Variants in IL17D observed in about 807,000 individuals in gnomAD.
The protein encoded by IL17D is interleukin 17D, also known as interleukin-17D.
Under a neutral mutation model 5.7 loss-of-function variants are expected in IL17D, and 10 were observed. The observed-to-expected ratio is 1.75, with a 90% CI of 1.08 to 2.97. IL17D has a LOEUF of 2.97. Among genes scored for constraint, IL17D ranks in the 30% most tolerant of loss-of-function variants. The pLI, the probability that IL17D is intolerant of heterozygous loss-of-function variation, is 0.00. For missense variants in IL17D, 354 were observed against 292.7 expected, an observed-to-expected ratio of 1.21 and a Z score of -1.53; for synonymous variants, 172 against 141.7, an observed-to-expected ratio of 1.21 and a Z score of -1.52.
chr13:20,710,496 G>A (rs2058627021), intron 1 of IL17D, among the ~76,000 whole-genome samples: 1 of 149,424 alleles, frequency 6.7e-6, no homozygotes. Flanking sequence ...GGGCATGGTG[G>A]CACATGCCTG....
chr13:20,718,851 C>G (rs1054769069), intron 1 of IL17D, among the ~76,000 whole-genome samples: 3 of 143,710 alleles, frequency 2.1e-5, no homozygotes, highest in Admixed American at 1.4e-4. Flanking sequence ...CACCTGCCCC[C>G]TCACCCACAC....
In IL17D at chr13:20,722,332, T is replaced by A. The variant is rs977712371; in HGVS notation, c.*378T>A. 1.4e-4 allele frequency: 31 copies of A among 228,718 alleles called. No individual in the cohort carries two copies. The highest frequency in any genetic ancestry group is 4.5e-5 in the African/African-American group (2 of 44,024). 14.2% of individuals were successfully genotyped at this position (228,718 alleles called of 1,614,324 possible). ...CTTGCCAAAGAGATAGGGACGCATA[T>A]GCTTTTTAAAGCAATCTAAAAATAA... On this transcript the variant is annotated 3_prime_UTR_variant, in exon 2 of 2. Transcript: ENST00000682841.
At chr13:20,711,534 A>G (rs768807282) in intron 1 of IL17D, among the ~76,000 whole-genome samples, 2 of 152,322 alleles carry the variant, frequency 1.3e-5, no homozygotes, top group African/African-American at 4.8e-5. Context: ...TTGGAGGGAC[A>G]CAGACCATAG....
At chr13:20,702,589 T>A (rs1160572081), upstream of IL17D, 1 of 152,280 alleles carries the variant, frequency 6.6e-6, no homozygotes, top group Non-Finnish European at 1.5e-5. Context: ...TCTTGTGTTA[T>A]GAAGTATATA....
At position 20,704,141 on chromosome 13, in the gene IL17D, C is replaced by A. The variant is rs1356135469; in HGVS notation, c.140C>A (p.Ala47Glu). ...ELLEQLYGRL[A>E]AGVLSAFHHT... ...CTGGAGCAGCTGTACGGGCGCCTGG[C>A]GGCCGGCGTGCTCAGTGCCTTCCAC... The change falls in exon 1 of 2, where the codon GCG becomes GAG. Residue 47 changes from alanine (A) to glutamate (E), a missense_variant. By Grantham distance (107) the Ala-to-Glu change is moderately radical (BLOSUM62 -1). Coordinates refer to ENST00000682841, the MANE Select transcript of IL17D (RefSeq NM_001385224.1). 3 of 1,340,586 alleles carry A rather than the reference C, an allele frequency of 2.2e-6. No individual in the cohort carries two copies. The highest frequency in any genetic ancestry group is 2.7e-5 in the Admixed American group (1 of 36,618). The allele number at this position is 1,340,586 out of a possible 1,614,324, so 83.0% of individuals were successfully genotyped here.
intron 1 of IL17D, among the ~76,000 whole-genome samples, chr13:20,712,084 A>G (rs1233514166): frequency 6.6e-6 from 1 of 152,206 alleles, no homozygotes; most frequent in Non-Finnish European, 1.5e-5. Flanking sequence ...TTCATTCATC[A>G]AATATTGTCT....
In IL17D at chr13:20,704,198, C is replaced by T; in HGVS notation, c.197C>T (p.Ala66Val). ...HTLQLGPREQ[A>V]RNASCPAGGR... ...CTGCAGCTGGGGCCGCGTGAGCAGG[C>T]GCGCAACGCGAGCTGCCCGGCAGGG... Residue 66 changes from alanine (A) to valine (V), a missense_variant, in exon 1 of 2, where the codon GCG becomes GTG. Physicochemically the swap from Ala to Val is moderately conservative, Grantham distance 64 (BLOSUM62 0). Transcript: ENST00000682841. 7.3e-7 allele frequency: 1 copy of T among 1,371,818 alleles called. No homozygotes were observed. Among genetic ancestry groups the T allele is most frequent in the South Asian group, 1.5e-5 (1 of 66,812 alleles). The allele number at this position is 1,371,818 out of a possible 1,614,324, so 85.0% of individuals were successfully genotyped here. A position where few individuals can be genotyped will look rare whatever the true frequency, so the allele number is the denominator to read the frequency against.
At position 20,722,920 on chromosome 13, in the gene IL17D, G is replaced by C. The variant is rs2058749024; in HGVS notation, c.*966G>C. On this transcript the variant is annotated 3_prime_UTR_variant, in exon 2 of 2. Transcript: ENST00000682841. Reference sequence around the variant, plus strand: ...GGCTTTAGGATCAGGCTGAATATGAGGACAAAGTGGGCCACGTTAGCATCT... The same window carrying C: ...GGCTTTAGGATCAGGCTGAATATGACGACAAAGTGGGCCACGTTAGCATCT... 6.6e-6 allele frequency: 1 copy of C among 152,176 alleles called. No homozygotes were observed. Among genetic ancestry groups the C allele is most frequent in the Admixed American group, 6.5e-5 (1 of 15,278 alleles). The allele number at this position is 152,176 out of a possible 1,614,324, so 9.4% of individuals were successfully genotyped here.
intron 1 of IL17D, among the ~76,000 whole-genome samples, chr13:20,705,215 A>G (rs1031845994): frequency 4.0e-5 from 6 of 151,388 alleles, no homozygotes; most frequent in Non-Finnish European, 8.8e-5. Flanking sequence ...GATGGAGGAG[A>G]GCAAGTCGCC....
chr13:20,708,982 A>T (rs2058613236), intron 1 of IL17D, among the ~76,000 whole-genome samples: 1 of 148,648 alleles, frequency 6.7e-6, no homozygotes, highest in Non-Finnish European at 1.5e-5. Flanking sequence ...AAAAAAAGAA[A>T]GAAAGAAAAG....
At chr13:20,706,310 G>A (rs1337231486) in intron 1 of IL17D, among the ~76,000 whole-genome samples, 1 of 152,126 alleles carries the variant, frequency 6.6e-6, no homozygotes, top group African/African-American at 2.4e-5. Context: ...CTCTAACCTC[G>A]TGTTATGCTT....
intron 1 of IL17D, among the ~76,000 whole-genome samples, chr13:20,719,859 G>A (rs1450665537): frequency 1.3e-5 from 2 of 152,234 alleles, no homozygotes; most frequent in Admixed American, 6.5e-5. Context: ...GATACTGGGA[G>A]TGGAAGTGGC....
chr13:20,704,237 A>G lies in IL17D; in HGVS notation c.236A>G (p.Asp79Gly). ...TGCCCGGCAGGGGGCAGGCCCGCCG[A>G]CCGCCGCTTCCGGCCGCCCACCAAC... is the stretch of plus-strand genomic sequence containing the variant. ...ASCPAGGRPA[D>G]RRFRPPTNLR... The change falls in exon 1 of 2, where the codon GAC becomes GGC. Residue 79 changes from aspartate to glycine, a missense_variant. Physicochemically the swap from Asp to Gly is moderately conservative, Grantham distance 94 (BLOSUM62 -1). Coordinates refer to ENST00000682841, the MANE Select transcript of IL17D (RefSeq NM_001385224.1). 8.0e-7 allele frequency: 1 copy of G among 1,257,352 alleles called. No homozygotes were observed. Among genetic ancestry groups the G allele is most frequent in the Non-Finnish European group, 1.0e-6 (1 of 999,444 alleles). The allele number at this position is 1,257,352 out of a possible 1,614,324, so 77.9% of individuals were successfully genotyped here. A position where few individuals can be genotyped will look rare whatever the true frequency, so the allele number is the denominator to read the frequency against.
intron 1 of IL17D, among the ~76,000 whole-genome samples, chr13:20,704,519 G>A (rs925467144): frequency 1.4e-5 from 2 of 142,062 alleles, no homozygotes; most frequent in Non-Finnish European, 3.1e-5. Flanking sequence ...GTAGGGTGGG[G>A]TGGGGTGCGA....
intron 1 of IL17D, among the ~76,000 whole-genome samples, chr13:20,704,964 G>A (rs2058579767): frequency 1.3e-5 from 2 of 152,232 alleles, no homozygotes; most frequent in African/African-American, 4.8e-5. Context: ...AGTGCATGAA[G>A]TGACATGAAC....
At chr13:20,720,104 C>A (rs1279552806) in intron 1 of IL17D, among the ~76,000 whole-genome samples, 1 of 152,132 alleles carries the variant, frequency 6.6e-6, no homozygotes, top group African/African-American at 2.4e-5. Flanking sequence ...CAGGTTTGAC[C>A]CAGCCCCCTC....
rs1482794231 is a variant in IL17D at position 20,703,989 on chromosome 13, C to A, written c.-13C>A. On this transcript the variant is annotated 5_prime_UTR_variant, in exon 1 of 2. Coordinates refer to ENST00000682841, the MANE Select transcript of IL17D (RefSeq NM_001385224.1). Reference sequence around the variant, plus strand: ...CGTGCGGACGCTGAGCGTGGCCTGTCCCTCAGGTCTGGATGCTGGTAGCCG... The same window carrying A: ...CGTGCGGACGCTGAGCGTGGCCTGTACCTCAGGTCTGGATGCTGGTAGCCG... 5 of 1,012,098 alleles carry A rather than the reference C, an allele frequency of 4.9e-6. No individual in the cohort carries two copies. Among genetic ancestry groups the A allele is most frequent in the Non-Finnish European group, 5.9e-6 (5 of 849,736 alleles). The allele number at this position is 1,012,098 out of a possible 1,614,324, so 62.7% of individuals were successfully genotyped here. A position where few individuals can be genotyped will look rare whatever the true frequency, so the allele number is the denominator to read the frequency against.
In IL17D at chr13:20,716,923, G is replaced by A. The variant is rs973563655; in HGVS notation, c.291-4713G>A. On this transcript the variant is annotated intron_variant, in intron 1 of 1. Transcript: ENST00000682841. The surrounding 1 kb of genome is among the most constrained non-coding windows in gnomAD (Gnocchi z 4.2). Reference sequence around the variant, plus strand: ...CATCAAGGCGCGTGTGCCAACCAGCGCCCCAGCTATCCTTGGGCATCAGTT... The same window carrying A: ...CATCAAGGCGCGTGTGCCAACCAGCACCCCAGCTATCCTTGGGCATCAGTT... 1.3e-5 allele frequency among the ~76,000 whole-genome samples: 2 copies of A among 152,178 alleles called. No individual in the cohort carries two copies. Among genetic ancestry groups the A allele is most frequent in the South Asian group, 4.1e-4 (2 of 4,832 alleles).
At chr13:20,721,569 C>G in intron 1 of IL17D, 67 bp from the exon 2 acceptor site, 1 of 1,402,984 alleles carries the variant, frequency 7.1e-7, no homozygotes, top group Non-Finnish European at 9.7e-7. Flanking sequence ...TGACTCTAAC[C>G]AGGGATTTCA....
Sources: allele counts gnomAD v4.1 joint callset (sites outside exome capture counted in the v4.1 genomes callset), GRCh38; gene constraint gnomAD v4.1.1; non-coding constraint Gnocchi (gnomAD v3.1); transcripts MANE v1.5; gene names NCBI Gene and HGNC (gene_info 2026-07-23, HGNC 2026-07-21).